Variants in CTSB observed in about 807,000 individuals in gnomAD.
The protein encoded by CTSB is APP secretase.
CTSB carries 57 observed loss-of-function variants against 44.3 expected under a neutral mutation model. That is an observed-to-expected ratio of 1.29 (90% CI 1.04 to 1.60). The LOEUF is 1.60. Among genes scored for constraint, CTSB ranks in the 40% most tolerant of loss-of-function variants. The probability of loss-of-function intolerance (pLI) is 0.00; values close to 1 mark genes in which losing one functional copy is unlikely to be tolerated. For synonymous variants in CTSB, 320 were observed against 168.0 expected, an observed-to-expected ratio of 1.91 and a Z score of -7.00; for missense variants, 768 against 443.0, an observed-to-expected ratio of 1.73 and a Z score of -6.59.
Position 11,853,404 on chromosome 8 carries a change from G to C in CTSB, c.51C>G (p.Ala17=). 1 of 1,612,802 alleles carries C rather than the reference G, an allele frequency of 6.2e-7. No homozygotes were observed. Among genetic ancestry groups the C allele is most frequent in the Non-Finnish European group, 8.5e-7 (1 of 1,179,804 alleles). The change falls in exon 2 of 10, where the codon GCC becomes GCG. Residue 17 remains alanine (A), a synonymous_variant. Transcript: ENST00000353047. The stretch of plus-strand genomic sequence containing the variant: ...GGGGATGGAAAGAGGGCCTGCTCCG[G>C]GCATTGGCCAACACCAGCAGGCAGC... The part of the protein sequence containing the change: ...SLCCLLVLAN[A]RSRPSFHPLS...
At position 11,843,039 on chromosome 8, in the gene CTSB, C is replaced by T. The variant is rs1399517728; in HGVS notation, c.*2086G>A. 4 of 151,452 alleles carry T rather than the reference C, an allele frequency of 2.6e-5. No individual in the cohort carries two copies. Among genetic ancestry groups the T allele is most frequent in the Non-Finnish European group, 4.4e-5 (3 of 68,038 alleles). 9.4% of individuals were successfully genotyped at this position (151,452 alleles called of 1,614,324 possible). A position where few individuals can be genotyped will look rare whatever the true frequency, so the allele number is the denominator to read the frequency against. ...TCTTGGCTCACTGCAACCTCCGCCTCCCGGGTTCAAGCGATTCTCCTGCCT... is the reference window on the plus strand; with the variant it reads ...TCTTGGCTCACTGCAACCTCCGCCTTCCGGGTTCAAGCGATTCTCCTGCCT... On this transcript the variant is annotated 3_prime_UTR_variant, in exon 10 of 10. Transcript: ENST00000353047.
At chr8:11,863,276 T>A (rs150746791) in intron 1 of CTSB, among the ~76,000 whole-genome samples, 69 of 152,082 alleles carry the variant, frequency 4.5e-4, no homozygotes, top group African/African-American at 1.6e-3. Flanking sequence ...CCGACAAACA[T>A]AGTGACATCC....
chr8:11,849,241 CAG>C (rs1491434252), intron 4 of CTSB, 77 bp from the exon 5 acceptor site: 5 of 1,137,908 alleles, frequency 4.4e-6, no homozygotes, highest in South Asian at 2.5e-5. Flanking sequence ...CAAAGGGCCA[CAG>C]GGGCACCTCA....
intron 1 of CTSB, among the ~76,000 whole-genome samples, chr8:11,866,811 G>T (rs1817218576): frequency 6.6e-6 from 1 of 152,232 alleles, no homozygotes; most frequent in South Asian, 2.1e-4. Context: ...AGTGAGCCGA[G>T]ATCGCGCCAC....
chr8:11,845,709 G>C lies in CTSB; in HGVS notation c.874C>G (p.Pro292Ala), dbSNP rs755378973. The change falls in exon 9 of 10, where the codon CCC becomes GCC. Residue 292 changes from proline to alanine, a missense_variant. Transcript: ENST00000353047. ...ILGWGVENGT[P>A]YWLVANSWNT... ...CAGGAGTTGGCAACCAGCCAGTAGG[G>C]TGTGCCATTCTCCACTCCCCAGCCC... is the stretch of plus-strand genomic sequence containing the variant. 6.2e-7 allele frequency: 1 copy of C among 1,614,132 alleles called. No individual in the cohort carries two copies. The highest frequency in any genetic ancestry group is 8.5e-7 in the Non-Finnish European group (1 of 1,179,968).
At chr8:11,861,335 G>A (rs1487464390) in intron 1 of CTSB, 1 of 152,482 alleles carries the variant, frequency 6.6e-6, no homozygotes, top group Admixed American at 6.5e-5. Flanking sequence ...AGGGGAAGCA[G>A]AGAAGCCCCA....
chr8:11,862,773 A>C (rs1311642248), intron 1 of CTSB, among the ~76,000 whole-genome samples: 1 of 152,268 alleles, frequency 6.6e-6, no homozygotes, highest in African/African-American at 2.4e-5. Flanking sequence ...TCAGCACGTC[A>C]GAGGGTCATG....
chr8:11,847,201 G>C (rs557466863), intron 7 of CTSB, 33 bp from the exon 8 acceptor site: 11 of 1,413,282 alleles, frequency 7.8e-6, no homozygotes, highest in African/African-American at 1.4e-5. Context: ...GGTTGGGGAG[G>C]GCAGTGACCG....
In CTSB at chr8:11,847,688, T is replaced by G. The variant is rs764472709; in HGVS notation, c.667A>C (p.Lys223Gln). 1 of 1,567,148 alleles carries G rather than the reference T, an allele frequency of 6.4e-7. No homozygotes were observed. The highest frequency in any genetic ancestry group is 1.4e-5 in the African/African-American group (1 of 73,158). ...GCCCCAGGCCCCTTACCGTAGTGCT[T>G]GTCCTGTTTGTAGGTCGGGCTGTAG... ...PGYSPTYKQD[K>Q]HYGYNSYSVS... Residue 223 changes from lysine to glutamine, a missense_variant, in exon 7 of 10, where the codon AAG (lysine) becomes CAG (glutamine). Transcript: ENST00000353047.
At chr8:11,856,192 G>C (rs182861998) in intron 1 of CTSB, among the ~76,000 whole-genome samples, 1 of 138,644 alleles carries the variant, frequency 7.2e-6, no homozygotes, top group Admixed American at 7.1e-5. Context: ...TGCCTGGGGT[G>C]GGTGGGCACA....
At chr8:11,845,853 C>G (rs537893598) in intron 8 of CTSB, 64 bp from the exon 9 acceptor site, 9 of 1,504,324 alleles carry the variant, frequency 6.0e-6, no homozygotes, top group East Asian at 4.9e-5. Flanking sequence ...ACAGCACCCC[C>G]CACACTCAGC....
intron 1 of CTSB, chr8:11,861,504 T>G (rs1586189985): frequency 1.3e-5 from 2 of 152,260 alleles, no homozygotes; most frequent in South Asian, 4.1e-4. Context: ...TTGTACAAGG[T>G]CAGCCACAGC....
intron 1 of CTSB, among the ~76,000 whole-genome samples, chr8:11,854,245 G>T (rs1157886046): frequency 6.6e-6 from 1 of 152,160 alleles, no homozygotes; most frequent in Non-Finnish European, 1.5e-5. Flanking sequence ...CGCGGCGCGG[G>T]GAGCTGGGTG....
At chr8:11,863,082 G>A (rs973475915) in intron 1 of CTSB, among the ~76,000 whole-genome samples, 2 of 152,222 alleles carry the variant, frequency 1.3e-5, no homozygotes, top group Admixed American at 1.3e-4. Flanking sequence ...GGAGGCCAAG[G>A]TGGGAAGATT....
At chr8:11,849,351 G>A (rs868312823) in intron 4 of CTSB, 187 bp from the exon 5 acceptor site, 4 of 449,960 alleles carry the variant, frequency 8.9e-6, no homozygotes, top group African/African-American at 6.0e-5. Flanking sequence ...TTGCTACGTT[G>A]GCCAGACTGG....
At chr8:11,845,812 A>G (rs1239280113) in intron 8 of CTSB, 23 bp from the exon 9 acceptor site, 1 of 1,598,062 alleles carries the variant, frequency 6.3e-7, no homozygotes, top group Non-Finnish European at 8.6e-7. Flanking sequence ...GAACTGGCTG[A>G]GACCGAGACC....
rs532970119 is a variant in CTSB, at chr8:11,843,822, G to A, written c.*1303C>T. The A allele has an allele frequency of 6.6e-6, 1 of 152,258 alleles. No individual in the cohort carries two copies. The highest frequency in any genetic ancestry group is 6.5e-5 in the Admixed American group (1 of 15,286). 9.4% of individuals were successfully genotyped at this position (152,258 alleles called of 1,614,324 possible). On this transcript the variant is annotated 3_prime_UTR_variant, in exon 10 of 10. Transcript: ENST00000353047. ...GAGGCAGGCAGACCACCTGAGGCCG[G>A]GAGTTTGAAACTAGCCTGGCCAACA...
At position 11,843,440 on chromosome 8, in the gene CTSB, G is replaced by C. The variant is rs1194408236; in HGVS notation, c.*1685C>G. On this transcript the variant is annotated 3_prime_UTR_variant, in exon 10 of 10. Transcript: ENST00000353047. ...GAAGGGGAGTACTGAGGTGTACCTT[G>C]GCAGGACAGTGGAATGATTGCTGGT... The C allele has an allele frequency of 6.6e-6, 1 of 152,200 alleles. No homozygotes were observed. The highest frequency in any genetic ancestry group is 1.9e-4 in the East Asian group (1 of 5,196). 9.4% of individuals were successfully genotyped at this position (152,200 alleles called of 1,614,324 possible).
rs117403292 is a variant in CTSB, at chr8:11,844,644, T to C, written c.*481A>G. On this transcript the variant is annotated 3_prime_UTR_variant, in exon 10 of 10. Coordinates refer to ENST00000353047, the MANE Select transcript of CTSB (RefSeq NM_001908.5). ...AGAGGTTGTGACATTGCAAACTCGA[T>C]AGATGCAGGGGGCCTGGGAGACTGG... 919 of 156,698 alleles carry C rather than the reference T, an allele frequency of 5.9e-3. 4 individuals are homozygous for C. The highest frequency in any genetic ancestry group is 0.021 in the South Asian group (105 of 5,102). The allele number at this position is 156,698 out of a possible 1,614,324, so 9.7% of individuals were successfully genotyped here.
Sources: allele counts gnomAD v4.1 joint callset (sites outside exome capture counted in the v4.1 genomes callset), GRCh38; gene constraint gnomAD v4.1.1; transcripts MANE v1.5; gene names NCBI Gene and HGNC (gene_info 2026-07-23, HGNC 2026-07-21).